INSR: variants seen among roughly 807,000 people sequenced by gnomAD.
INSR encodes the protein IR.
In INSR, 67 loss-of-function variants were observed where a neutral mutation model predicts 142.6. The ratio of observed to expected loss-of-function variants is 0.47; its 90% CI spans 0.39 to 0.58. The LOEUF is 0.58. Among genes scored for constraint, INSR ranks in the 20% least tolerant of loss-of-function variants. INSR has a pLI of 0.00. For missense variants in INSR, 1,248 were observed against 1,833.2 expected (o/e 0.68, Z 5.83); for synonymous variants, 756 against 743.1 (o/e 1.02, Z -0.28).
chr19:7,129,108 T>C lies in INSR; in HGVS notation c.2843-154A>G, dbSNP rs1386486686. 2.6e-5 allele frequency among the ~76,000 whole-genome samples: 4 copies of C among 152,150 alleles called. No homozygotes were observed. In the East Asian group the frequency reaches 7.7e-4, roughly 29 times the overall value. On this transcript the variant is annotated intron_variant, in intron 14 of 21. Coordinates refer to ENST00000302850, the MANE Select transcript of INSR (RefSeq NM_000208.4). ...CTGCTGCTCTTCCACATCCTGATTT[T>C]CCAGCAGTCCCGAAACAGTCCCGTA...
intron 1 of INSR, among the ~76,000 whole-genome samples, chr19:7,271,413 T>C (rs1967923786): frequency 6.6e-6 from 1 of 151,910 alleles, no homozygotes; most frequent in Admixed American, 6.6e-5. Flanking sequence ...GGCAGGAGAA[T>C]CACTTGAACC....
intron 9 of INSR, among the ~76,000 whole-genome samples, chr19:7,153,177 A>ACACACCGC (rs1568449484): frequency 9.4e-4 from 1 of 1,064 alleles, no homozygotes; most frequent in East Asian, 0.012. Flanking sequence ...ACACACCACA[A>ACACACCGC]ACACACAACC....
chr19:7,245,610 G>A (rs544594520), intron 2 of INSR, among the ~76,000 whole-genome samples: 2 of 152,016 alleles, frequency 1.3e-5, no homozygotes, highest in South Asian at 4.2e-4. Flanking sequence ...CACCATGCCC[G>A]GCTAATTTTT....
chr19:7,179,148 G>A (rs537076243), intron 3 of INSR, among the ~76,000 whole-genome samples: 110 of 152,328 alleles, frequency 7.2e-4, no homozygotes, highest in Non-Finnish European at 1.1e-3. Context: ...CTGGGCTCAA[G>A]TGAGCCTCCC....
chr19:7,126,684 G>C, intron 15 of INSR, 33 bp from the exon 16 acceptor site: 1 of 1,547,000 alleles, frequency 6.5e-7, no homozygotes, highest in Non-Finnish European at 8.8e-7. Flanking sequence ...GTTAGCTTGA[G>C]ATTCTCATGG....
intron 11 of INSR, among the ~76,000 whole-genome samples, chr19:7,148,477 C>CTTTTTTTTTTT (rs71177160): frequency 0.034 from 3,245 of 94,994 alleles, 427 homozygotes; most frequent in African/African-American, 0.062. Flanking sequence ...TGTATTTATT[C>CTTTTTTTTTTT]TTTTTTTTTT....
At chr19:7,255,510 T>C (rs192864443) in intron 2 of INSR, among the ~76,000 whole-genome samples, 77 of 151,558 alleles carry the variant, frequency 5.1e-4, no homozygotes, top group African/African-American at 1.8e-3. Flanking sequence ...CTTTTCTTTT[T>C]TTTTTTTTTT....
intron 13 of INSR, among the ~76,000 whole-genome samples, chr19:7,133,259 C>T (rs1286752055): frequency 6.6e-6 from 1 of 152,070 alleles, no homozygotes; most frequent in African/African-American, 2.4e-5. Context: ...TAGACCCTGT[C>T]TCTAAAATAA....
At chr19:7,249,402 C>T (rs1331990272) in intron 2 of INSR, among the ~76,000 whole-genome samples, 1 of 152,138 alleles carries the variant, frequency 6.6e-6, no homozygotes, top group East Asian at 1.9e-4. Context: ...TCGTCAAGAA[C>T]ACAAAGTTTT....
intron 2 of INSR, among the ~76,000 whole-genome samples, chr19:7,250,901 G>A (rs1336865885): frequency 3.3e-5 from 5 of 151,232 alleles, no homozygotes; most frequent in Admixed American, 1.3e-4. Context: ...AGGAACGTAC[G>A]ATCAGCAACA....
intron 1 of INSR, among the ~76,000 whole-genome samples, chr19:7,278,374 G>C (rs531273856): frequency 6.6e-6 from 1 of 152,196 alleles, no homozygotes; most frequent in Non-Finnish European, 1.5e-5. Flanking sequence ...GTCAGTGAAA[G>C]CCCTGGGACC....
At chr19:7,178,908 T>C (rs1381003737) in intron 3 of INSR, among the ~76,000 whole-genome samples, 1 of 152,132 alleles carries the variant, frequency 6.6e-6, no homozygotes, top group African/African-American at 2.4e-5. Context: ...ACTGTAATTG[T>C]ATAGCAGGGT....
intron 13 of INSR, among the ~76,000 whole-genome samples, chr19:7,140,461 A>G (rs2144855496): frequency 6.6e-6 from 1 of 152,288 alleles, no homozygotes; most frequent in Non-Finnish European, 1.5e-5. Context: ...GGAGTCAAAC[A>G]TGTTTACTAT....
chr19:7,266,255 G>C (rs928155699), intron 2 of INSR, among the ~76,000 whole-genome samples: 2 of 152,096 alleles, frequency 1.3e-5, no homozygotes, highest in Non-Finnish European at 2.9e-5. Context: ...AACACCATTT[G>C]TCAATCTGCA....
intron 2 of INSR, among the ~76,000 whole-genome samples, chr19:7,256,931 C>CTTGTT: frequency 9.1e-6 from 1 of 109,462 alleles, no homozygotes; most frequent in Non-Finnish European, 1.8e-5. Context: ...TCTACCCTAC[C>CTTGTT]TTTTTTTTTT....
chr19:7,151,894 G>C (rs1973372530), intron 10 of INSR: 1 of 151,814 alleles, frequency 6.6e-6, no homozygotes, highest in Admixed American at 6.6e-5. Flanking sequence ...CTGGCCTCTT[G>C]TGATCCTTCT....
chr19:7,286,888 CCAGGCTGGAGTG>C (rs1158520954), intron 1 of INSR, among the ~76,000 whole-genome samples: 1 of 152,064 alleles, frequency 6.6e-6, no homozygotes, highest in East Asian at 1.9e-4. Flanking sequence ...TCACTGTTGC[CCAGGCTGGAGTG>C]CAGTGGTACA....
rs571012454 is a variant in INSR at position 7,179,332 on chromosome 19, GC to G, written c.975-4602del. ...TGGGTGGCTGGGGGATCCCCAAGAT[GC>G]TGCCAGTGTCTGAAGCAAGGGAAAT... is the stretch of plus-strand genomic sequence containing the variant. On this transcript the variant is annotated intron_variant, in intron 3 of 21. Coordinates refer to ENST00000302850, the MANE Select transcript of INSR (RefSeq NM_000208.4). Among the ~76,000 whole-genome samples, 5 of 152,360 alleles carry G rather than the reference GC, an allele frequency of 3.3e-5. No individual in the cohort carries two copies. In the South Asian group the frequency reaches 1.0e-3, roughly 32 times the overall value.
At chr19:7,285,758 A>C (rs1968330327) in intron 1 of INSR, among the ~76,000 whole-genome samples, 2 of 152,292 alleles carry the variant, frequency 1.3e-5, no homozygotes, top group South Asian at 4.1e-4. Flanking sequence ...TATAAGATAA[A>C]ATCTTTTAAA....
Sources: allele counts gnomAD v4.1 joint callset (sites outside exome capture counted in the v4.1 genomes callset), GRCh38; gene constraint gnomAD v4.1.1; transcripts MANE v1.5; gene names NCBI Gene and HGNC (gene_info 2026-07-23, HGNC 2026-07-21).